MXRA7: variants seen among roughly 807,000 people sequenced by gnomAD.
MXRA7 encodes the protein matrix remodeling associated 7.
A neutral mutation model predicts 17.4 loss-of-function variants in MXRA7; 18 were observed. That is an observed-to-expected ratio of 1.03 (90% CI 0.71 to 1.53). The LOEUF is 1.53. MXRA7 is among the 40% of genes most tolerant of loss of function. The pLI is 0.00. For synonymous variants in MXRA7, 70 were observed against 101.7 expected, an observed-to-expected ratio of 0.69 and a Z score of 1.87; for missense variants, 141 against 209.3, an observed-to-expected ratio of 0.67 and a Z score of 2.01.
chr17:76,672,876 A>G (rs1450006008), exon 4 of MXRA7: 4 of 152,202 alleles, frequency 2.6e-5, no homozygotes, highest in African/African-American at 9.6e-5. Context: ...GTTCCACCAA[A>G]AGAAAAATAA....
At chr17:76,693,992 TGTC>T (rs973233700) in intron 1 of MXRA7, among the ~76,000 whole-genome samples, 3 of 152,262 alleles carry the variant, frequency 2.0e-5, no homozygotes, top group African/African-American at 7.2e-5. Context: ...TTTATTTTGT[TGTC>T]TGTGCAGAAA....
downstream of MXRA7, among the ~76,000 whole-genome samples, chr17:76,679,336 G>A (rs1449615002): frequency 1.3e-5 from 2 of 151,076 alleles, no homozygotes; most frequent in Middle Eastern, 3.2e-3. Flanking sequence ...TGAACAGAAA[G>A]GATGTGCTGA....
intron 1 of MXRA7, among the ~76,000 whole-genome samples, chr17:76,700,311 C>G (rs1237620523): frequency 6.6e-6 from 1 of 152,104 alleles, no homozygotes; most frequent in Non-Finnish European, 1.5e-5. Flanking sequence ...AACCACTGAT[C>G]TAGTGTGGCT....
At chr17:76,695,888 T>C (rs2076528952) in intron 1 of MXRA7, among the ~76,000 whole-genome samples, 1 of 150,578 alleles carries the variant, frequency 6.6e-6, no homozygotes, top group South Asian at 2.1e-4. Flanking sequence ...AGGCCAGGAG[T>C]TCAAGACCAG....
At chr17:76,677,619 A>C (rs776901414), downstream of MXRA7, 1 of 1,612,852 alleles carries the variant, frequency 6.2e-7, no homozygotes, top group Non-Finnish European at 8.5e-7. Flanking sequence ...CTGCTCCTGC[A>C]CGTCGCCGTC....
At chr17:76,696,281 A>G (rs1197482636) in intron 1 of MXRA7, among the ~76,000 whole-genome samples, 1 of 152,130 alleles carries the variant, frequency 6.6e-6, no homozygotes, top group Non-Finnish European at 1.5e-5. Context: ...GTACTTTGGG[A>G]GGCCATGGTG....
intron 3 of MXRA7, among the ~76,000 whole-genome samples, chr17:76,684,313 T>C (rs1168716031): frequency 6.6e-6 from 1 of 151,830 alleles, no homozygotes; most frequent in East Asian, 1.9e-4. Flanking sequence ...GCTTGGAAAA[T>C]GGCACAGCTA....
chr17:76,675,995 C>T (rs1469585178), downstream of MXRA7: 2 of 152,178 alleles, frequency 1.3e-5, no homozygotes, highest in African/African-American at 4.8e-5. Flanking sequence ...CTGTCGTTAG[C>T]ATACCCTCCC....
At chr17:76,677,552 A>G (rs1065645), downstream of MXRA7, 20,487 of 1,443,922 alleles carry the variant, frequency 0.014, 2,266 homozygotes, top group African/African-American at 0.24. Context: ...TGGGGACAGC[A>G]TCAGGCATGG....
At chr17:76,703,843 G>A (rs2076623435) in intron 1 of MXRA7, 1 of 151,950 alleles carries the variant, frequency 6.6e-6, no homozygotes, top group South Asian at 2.1e-4. Flanking sequence ...GGCAACATTT[G>A]AAGATAAACA....
intron 1 of MXRA7, chr17:76,688,961 C>T (rs1000087203): frequency 1.2e-4 from 27 of 225,530 alleles, no homozygotes; most frequent in African/African-American, 5.4e-4. Flanking sequence ...ACGGGAGGCT[C>T]CCTAACAAAA....
intron 1 of MXRA7, 63 bp from the exon 2 acceptor site, chr17:76,688,239 G>A (rs553699886): frequency 1.2e-6 from 2 of 1,606,738 alleles, no homozygotes; most frequent in East Asian, 4.5e-5. Flanking sequence ...GTGGTGGGGG[G>A]GCAGAAGGTA....
intron 1 of MXRA7, among the ~76,000 whole-genome samples, chr17:76,698,712 GTTTTTTTTTTTTT>G (rs3078394): frequency 7.5e-4 from 41 of 54,914 alleles, no homozygotes; most frequent in African/African-American, 8.6e-4. Context: ...CTTCCTTTCT[GTTTTTTTTTTTTT>G]TTTTTTTTTT....
chr17:76,710,533 C>A (rs1053601043), intron 1 of MXRA7, 72 bp downstream of exon 1: 1 of 1,182,890 alleles, frequency 8.5e-7, no homozygotes, highest in Non-Finnish European at 1.1e-6. Context: ...CGCTCCCTGG[C>A]TCGGCGGGGA....
At chr17:76,698,710 CTGTTTT>C (rs1381114082) in intron 1 of MXRA7, among the ~76,000 whole-genome samples, 8 of 91,050 alleles carry the variant, frequency 8.8e-5, no homozygotes, top group South Asian at 3.7e-4. Flanking sequence ...TCCTTCCTTT[CTGTTTT>C]TTTTTTTTTT....
intron 1 of MXRA7, among the ~76,000 whole-genome samples, chr17:76,694,649 G>A (rs926729461): frequency 6.6e-6 from 1 of 152,110 alleles, no homozygotes; most frequent in Admixed American, 6.5e-5. Flanking sequence ...AGAGTGATGC[G>A]ATCTCGGCTC....
At chr17:76,705,492 C>T (rs1192738751) in intron 1 of MXRA7, among the ~76,000 whole-genome samples, 2 of 152,072 alleles carry the variant, frequency 1.3e-5, no homozygotes, top group African/African-American at 4.8e-5. Flanking sequence ...AGTTTTTTCC[C>T]CAGTAAGTCA....
chr17:76,679,332 G>C (rs1019415330), downstream of MXRA7, among the ~76,000 whole-genome samples: 1 of 150,810 alleles, frequency 6.6e-6, no homozygotes, highest in African/African-American at 2.4e-5. Flanking sequence ...CCCGTGAACA[G>C]AAAGGATGTG....
intron 1 of MXRA7, 120 bp downstream of exon 1, chr17:76,710,485 C>T: frequency 2.3e-6 from 2 of 860,966 alleles, no homozygotes; most frequent in Non-Finnish European, 3.0e-6. Context: ...GCGGGTTCTG[C>T]GCTTCCTGGG....
Sources: gnomAD v4.1 joint callset for allele counts (sites outside exome capture counted in the v4.1 genomes callset) on GRCh38, gnomAD v4.1.1 for gene constraint, MANE v1.5 for transcripts, NCBI Gene and HGNC (gene_info 2026-07-23, HGNC 2026-07-21) for gene names.